The following COLQ variants were observed in gnomAD, a reference collection of about 807,000 sequenced individuals.
COLQ encodes acetylcholinesterase collagenic tail peptide.
A neutral mutation model predicts 69.0 loss-of-function variants in COLQ; 48 were observed. The observed-to-expected ratio is 0.70, with a 90% confidence interval of 0.55 to 0.88. The LOEUF (loss-of-function observed/expected upper bound fraction) is 0.88, where lower values mean the gene tolerates loss of function less well. Ranked by LOEUF, COLQ falls within the 40% of genes least tolerant of loss-of-function variation. The pLI, the probability that COLQ is intolerant of heterozygous loss-of-function variation, is 0.00. For missense variants in COLQ, 618 were observed against 594.6 expected, an observed-to-expected ratio of 1.04 and a Z score of -0.41; for synonymous variants, 217 against 211.2, an observed-to-expected ratio of 1.03 and a Z score of -0.24.
At chr3:15,497,794 TA>T (rs1200680293) in intron 1 of COLQ, among the ~76,000 whole-genome samples, 1 of 152,208 alleles carries the variant, frequency 6.6e-6, no homozygotes, top group African/African-American at 2.4e-5. Flanking sequence ...GGGTCTCAGC[TA>T]CAGTAAAGTT....
chr3:15,499,742 T>A (rs926593518), intron 1 of COLQ, among the ~76,000 whole-genome samples: 1 of 152,228 alleles, frequency 6.6e-6, no homozygotes, highest in African/African-American at 2.4e-5. Context: ...TTGGAATGTG[T>A]CGTTCAGTGT....
intron 1 of COLQ, among the ~76,000 whole-genome samples, chr3:15,494,268 G>A (rs1323718850): frequency 6.6e-6 from 1 of 152,188 alleles, no homozygotes; most frequent in Non-Finnish European, 1.5e-5. Flanking sequence ...GGAAGGTGCA[G>A]GTGTGGGGAG....
rs760335356 is a variant in COLQ at position 15,521,614 on chromosome 3, C to A, written c.12G>T (p.Leu4=). The A allele has an allele frequency of 6.2e-7, 1 of 1,614,152 alleles. No individual in the cohort carries two copies. Among genetic ancestry groups the A allele is most frequent in the Admixed American group, 1.7e-5 (1 of 60,014 alleles). The part of the protein sequence containing the change: MVV[L]NPMTLGIYLQ... ...GATAAATTCCCAAAGTCATTGGATT[C>A]AGGACAACCATGCTGGCCAGGGTCT... Residue 4 remains leucine, a synonymous_variant, in exon 1 of 17, where the codon CTG becomes CTT. Transcript: ENST00000383788.
chr3:15,468,150 C>CT (rs964020708), intron 11 of COLQ, among the ~76,000 whole-genome samples: 2 of 152,146 alleles, frequency 1.3e-5, no homozygotes, highest in Admixed American at 6.5e-5. Context: ...CTCCTTCATT[C>CT]TGACACCAGC....
intron 1 of COLQ, among the ~76,000 whole-genome samples, chr3:15,514,602 C>T (rs2063032410): frequency 6.6e-6 from 1 of 152,138 alleles, no homozygotes; most frequent in South Asian, 2.1e-4. Context: ...GGCTGGGAAC[C>T]AGTGCTGTAG....
intron 14 of COLQ, 66 bp downstream of exon 14, chr3:15,456,394 T>C: frequency 6.2e-7 from 1 of 1,604,030 alleles, no homozygotes; most frequent in Non-Finnish European, 8.5e-7. Context: ...TGGCCTTCCC[T>C]TCCTTTAATG....
At chr3:15,479,443 A>G in intron 3 of COLQ, 61 bp from the exon 4 acceptor site, 2 of 1,527,456 alleles carry the variant, frequency 1.3e-6, no homozygotes, top group Non-Finnish European at 1.8e-6. Flanking sequence ...GATGGGTGTG[A>G]GGCTCTTGGT....
intron 3 of COLQ, among the ~76,000 whole-genome samples, chr3:15,479,701 G>C (rs2062445291): frequency 6.6e-6 from 1 of 152,210 alleles, no homozygotes; most frequent in Non-Finnish European, 1.5e-5. Context: ...AGCAACAAAA[G>C]AGTCTTGAAT....
At chr3:15,469,786 T>C (rs1391968346) in intron 11 of COLQ, among the ~76,000 whole-genome samples, 1 of 152,234 alleles carries the variant, frequency 6.6e-6, no homozygotes, top group Non-Finnish European at 1.5e-5. Flanking sequence ...CCATTGCACC[T>C]GATGTGGGGG....
chr3:15,453,682 G>C (rs532610252), intron 16 of COLQ, 147 bp downstream of exon 16: 11 of 681,292 alleles, frequency 1.6e-5, no homozygotes, highest in Non-Finnish European at 2.9e-5. Flanking sequence ...CAGGGAGCAC[G>C]TGTTGTGTCA....
intron 12 of COLQ, among the ~76,000 whole-genome samples, chr3:15,461,947 G>T (rs576048502): frequency 6.6e-6 from 1 of 151,982 alleles, no homozygotes; most frequent in East Asian, 1.9e-4. Flanking sequence ...AATTTGGGGG[G>T]CCTAGTCCAA....
Position 15,521,522 on chromosome 3 carries a change from G to A in COLQ, c.104C>T (p.Ala35Val), listed in dbSNP as rs778150901. 2 of 1,614,146 alleles carry A rather than the reference G, an allele frequency of 1.2e-6. No homozygotes were observed. Among genetic ancestry groups the A allele is most frequent in the Non-Finnish European group, 1.7e-6 (2 of 1,180,030 alleles). Reference protein sequence around the residue: ...TFINSVLPISAALPSLDQKKR... With the variant: ...TFINSVLPISVALPSLDQKKR... ...GGAAAGTTGTGGCCATCATTTACCT[G>A]CTGAGATTGGAAGAACGCTGTTGAT... is the stretch of plus-strand genomic sequence containing the variant. The change falls in exon 1 of 17, where the codon GCA becomes GTA. Residue 35 changes from alanine to valine, a missense_variant and splice_region_variant. Physicochemically the swap from Ala to Val is moderately conservative, Grantham distance 64. Coordinates refer to ENST00000383788, the MANE Select transcript of COLQ (RefSeq NM_005677.4).
rs2061940754 is a variant in COLQ, at chr3:15,451,491, C to T, written c.*153G>A. 2 of 788,020 alleles carry T rather than the reference C, an allele frequency of 2.5e-6. No individual in the cohort carries two copies. Among genetic ancestry groups the T allele is most frequent in the Non-Finnish European group, 2.3e-6 (1 of 435,980 alleles). The allele number at this position is 788,020 out of a possible 1,614,324, so 48.8% of individuals were successfully genotyped here. On this transcript the variant is annotated 3_prime_UTR_variant, in exon 17 of 17. Coordinates refer to ENST00000383788, the MANE Select transcript of COLQ (RefSeq NM_005677.4). ...GTGGTCCTAAATTCTTCCAGTCAGA[C>T]TGAGTTAACAGCATGTCTTAGTAGC...
chr3:15,453,422 G>C (rs1355480553), intron 16 of COLQ, among the ~76,000 whole-genome samples: 1 of 152,196 alleles, frequency 6.6e-6, no homozygotes, highest in Non-Finnish European at 1.5e-5. Flanking sequence ...AGTCAGGTTA[G>C]GTAGACATGT....
chr3:15,515,350 C>A (rs544508364), intron 1 of COLQ, among the ~76,000 whole-genome samples: 68 of 152,272 alleles, frequency 4.5e-4, no homozygotes, highest in South Asian at 1.5e-3. Flanking sequence ...CAGTTCATAA[C>A]CAAGGGAGGC....
chr3:15,521,037 C>T (rs2063129576), intron 1 of COLQ, among the ~76,000 whole-genome samples: 1 of 152,142 alleles, frequency 6.6e-6, no homozygotes, highest in Non-Finnish European at 1.5e-5. Context: ...GCCCCTGCCA[C>T]CTGCATTTTC....
intron 1 of COLQ, among the ~76,000 whole-genome samples, chr3:15,514,226 G>A (rs1413382683): frequency 6.6e-6 from 1 of 152,178 alleles, no homozygotes; most frequent in Non-Finnish European, 1.5e-5. Flanking sequence ...CTAAGTTTAT[G>A]ATGATTTATT....
intron 12 of COLQ, among the ~76,000 whole-genome samples, chr3:15,462,815 A>T (rs1372751041): frequency 2.6e-5 from 4 of 152,128 alleles, no homozygotes; most frequent in Admixed American, 2.6e-4. Flanking sequence ...AGGAACAGAG[A>T]ATTTTGTTGG....
At chr3:15,469,818 C>T (rs1396755381) in intron 11 of COLQ, among the ~76,000 whole-genome samples, 1 of 152,178 alleles carries the variant, frequency 6.6e-6, no homozygotes, top group Non-Finnish European at 1.5e-5. Context: ...TGTATTTAAT[C>T]ACCGGCCCCA....
Sources: gnomAD v4.1 joint callset for allele counts (sites outside exome capture counted in the v4.1 genomes callset) on GRCh38, gnomAD v4.1.1 for gene constraint, MANE v1.5 for transcripts, NCBI Gene and HGNC (gene_info 2026-07-23, HGNC 2026-07-21) for gene names.